Variants in FSCN2 observed in about 807,000 individuals in gnomAD.
FSCN2 encodes fascin-2.
Under a neutral mutation model 37.8 loss-of-function variants are expected in FSCN2, and 46 were observed. The ratio of observed to expected loss-of-function variants is 1.22; its 90% CI spans 0.96 to 1.56. The LOEUF (loss-of-function observed/expected upper bound fraction) is 1.56. Among genes scored for constraint, FSCN2 ranks in the 40% most tolerant of loss-of-function variants. FSCN2 has a pLI of 0.00. For synonymous variants in FSCN2, 351 were observed against 309.4 expected, an observed-to-expected ratio of 1.13 and a Z score of -1.41; for missense variants, 844 against 730.4, an observed-to-expected ratio of 1.16 and a Z score of -1.79.
At chr17:81,515,968 C>T in the FSCN2 span, among the ~76,000 whole-genome samples, 3 of 152,282 alleles carry the variant, frequency 2.0e-5, no homozygotes, top group African/African-American at 7.2e-5. Context: ...CCTTAGCCTC[C>T]CGAGTAGCTG....
intron 1 of FSCN2, among the ~76,000 whole-genome samples, chr17:81,532,827 T>C (rs1450736058): frequency 6.6e-6 from 1 of 151,726 alleles, no homozygotes; most frequent in Non-Finnish European, 1.5e-5. Context: ...CATTTTTCAG[T>C]CTCTTGATCC....
upstream of FSCN2, chr17:81,528,319 G>A (rs782567728): frequency 1.2e-4 from 67 of 577,808 alleles, no homozygotes; most frequent in South Asian, 2.2e-4. Flanking sequence ...CGCCCTCCCC[G>A]CCCGCCCTCT....
intron 1 of FSCN2, chr17:81,529,635 GC>G: frequency 1.5e-6 from 1 of 679,804 alleles, no homozygotes; most frequent in South Asian, 1.4e-5. Flanking sequence ...TCTCAGCCAA[GC>G]CCTGGGCAGC....
rs1056000539 is a variant in FSCN2, at chr17:81,536,623, C to T, written c.1107C>T (p.Gly369=). The T allele has an allele frequency of 1.9e-6, 3 of 1,609,124 alleles. No homozygotes were observed. Among genetic ancestry groups the T allele is most frequent in the Non-Finnish European group, 8.5e-7 (1 of 1,179,666 alleles). ...CGCAGCAGACGCTCTCCCCGCCAGG[C>T]AAGGACGAAGAGTTCACCCTCAAGC... ...GQLAAISDFV[G]KDEEFTLKLI... is the part of the protein sequence containing the mutation. The change falls in exon 4 of 5, where the codon GGC becomes GGT. Residue 369 remains glycine (G), a splice_region_variant and synonymous_variant. Coordinates refer to ENST00000417245, the MANE Select transcript of FSCN2 (RefSeq NM_012418.4).
At chr17:81,530,897 G>C (rs1451587226) in intron 1 of FSCN2, among the ~76,000 whole-genome samples, 1 of 67,558 alleles carries the variant, frequency 1.5e-5, no homozygotes, top group Non-Finnish European at 2.9e-5. Flanking sequence ...AATGCCTGCT[G>C]GCCTGGGCCC....
At chr17:81,515,691 TCACCTCCA>T in the FSCN2 span, among the ~76,000 whole-genome samples, 3 of 152,130 alleles carry the variant, frequency 2.0e-5, no homozygotes, top group Non-Finnish European at 4.4e-5. Flanking sequence ...GGACTCTGGG[TCACCTCCA>T]CACCAGTTGA....
the FSCN2 span, among the ~76,000 whole-genome samples, chr17:81,516,856 A>G: frequency 9.0e-5 from 13 of 143,774 alleles, no homozygotes; most frequent in Admixed American, 6.8e-4. Flanking sequence ...GTGTTGTCCA[A>G]TTCTCACCTG....
chr17:81,535,563 A>C, intron 2 of FSCN2, among the ~76,000 whole-genome samples: 1 of 97,194 alleles, frequency 1.0e-5, no homozygotes, highest in Non-Finnish European at 2.1e-5. Context: ...CATCACCACC[A>C]TCCCCATCAC....
At chr17:81,517,360 AAG>A in the FSCN2 span, among the ~76,000 whole-genome samples, 1 of 152,116 alleles carries the variant, frequency 6.6e-6, no homozygotes, top group Non-Finnish European at 1.5e-5. Flanking sequence ...CCTGTCAAAA[AAG>A]AGGAGAGGGC....
At chr17:81,522,984 G>A in the FSCN2 span, among the ~76,000 whole-genome samples, 1 of 152,162 alleles carries the variant, frequency 6.6e-6, no homozygotes, top group South Asian at 2.1e-4. Flanking sequence ...TTCTGCCCTC[G>A]GGGTCCCTTT....
the FSCN2 span, among the ~76,000 whole-genome samples, chr17:81,518,455 G>A: frequency 6.6e-6 from 1 of 152,038 alleles, no homozygotes; most frequent in African/African-American, 2.4e-5. Flanking sequence ...GGAATAGAGA[G>A]GGAGGAGTTC....
chr17:81,526,264 T>TG (rs1225061939), upstream of FSCN2, among the ~76,000 whole-genome samples: 16 of 152,052 alleles, frequency 1.1e-4, no homozygotes, highest in South Asian at 2.5e-3. Context: ...GTGCCTGGGG[T>TG]GGGGGGGACC....
chr17:81,526,893 A>G (rs1362017782), upstream of FSCN2, among the ~76,000 whole-genome samples: 1 of 152,168 alleles, frequency 6.6e-6, no homozygotes, highest in East Asian at 1.9e-4. Context: ...ATAGAGGCGG[A>G]TGAGGCCAGC....
rs2032420756 is a variant in FSCN2 at position 81,528,453 on chromosome 17, G to A, written c.-79G>A. 6 of 1,121,198 alleles carry A rather than the reference G, an allele frequency of 5.4e-6. No individual in the cohort carries two copies. The highest frequency in any genetic ancestry group is 2.2e-5 in the Admixed American group (1 of 45,266). The allele number at this position is 1,121,198 out of a possible 1,614,324, so 69.5% of individuals were successfully genotyped here. A position where few individuals can be genotyped will look rare whatever the true frequency, so the allele number is the denominator to read the frequency against. On this transcript the variant is annotated 5_prime_UTR_variant, in exon 1 of 5. Coordinates refer to ENST00000417245, the MANE Select transcript of FSCN2 (RefSeq NM_012418.4). ...GCTGTGGGCCAGCCGAGCCGACCCG[G>A]GCTTCTGGGGGACCGCGGGGGCCGT...
rs1490395407 is a variant in FSCN2 at position 81,537,034 on chromosome 17, G to A, written c.1433G>A (p.Arg478Gln). 1.1e-5 allele frequency: 17 copies of A among 1,482,464 alleles called. No individual in the cohort carries two copies. Among genetic ancestry groups the A allele is most frequent in the East Asian group, 2.8e-5 (1 of 35,356 alleles). The allele number at this position is 1,482,464 out of a possible 1,614,324, so 91.8% of individuals were successfully genotyped here. ...CGCGGCGGCGCCTCGGGCCTGCTGC[G>A]GGCCGATGCCGACGCCCCGGCCGGG... ...YLRGGASGLLRADADAPAGTA... is the reference protein window; with the variant it reads ...YLRGGASGLLQADADAPAGTA... Residue 478 changes from arginine (R) to glutamine (Q), a missense_variant, in exon 5 of 5, where the codon CGG (arginine) becomes CAG (glutamine). Arg to Gln is a conservative substitution (Grantham distance 43). Coordinates refer to ENST00000417245, the MANE Select transcript of FSCN2 (RefSeq NM_012418.4).
At chr17:81,530,662 T>TG in intron 1 of FSCN2, 2 of 502,540 alleles carry the variant, frequency 4.0e-6, no homozygotes, top group Non-Finnish European at 7.9e-6. Flanking sequence ...GCCCCCACCC[T>TG]GACGGATGTC....
chr17:81,532,191 ATGGTGGTGGTGG>A (rs1273821496), intron 1 of FSCN2, among the ~76,000 whole-genome samples: 42 of 104,910 alleles, frequency 4.0e-4, no homozygotes, highest in Non-Finnish European at 4.1e-4. Flanking sequence ...GGTGGTGGTG[ATGGTGGTGGTGG>A]TGATGATAGT....
chr17:81,532,115 GATGATGGTGATGATA>G (rs2032673921), intron 1 of FSCN2, among the ~76,000 whole-genome samples: 2 of 143,070 alleles, frequency 1.4e-5, no homozygotes, highest in African/African-American at 5.3e-5. Flanking sequence ...TAGTGATGGC[GATGATGGTGATGATA>G]GTGATGGTGA....
At chr17:81,518,691 C>G in the FSCN2 span, among the ~76,000 whole-genome samples, 1 of 152,136 alleles carries the variant, frequency 6.6e-6, no homozygotes, top group Middle Eastern at 3.2e-3. Context: ...CGCGGGGCAC[C>G]GAGGTAGGGA....
Sources: gnomAD v4.1 joint callset for allele counts (sites outside exome capture counted in the v4.1 genomes callset) on GRCh38, gnomAD v4.1.1 for gene constraint, MANE v1.5 for transcripts, NCBI Gene and HGNC (gene_info 2026-07-23, HGNC 2026-07-21) for gene names.